The following SLC25A21 variants were observed in gnomAD, a reference collection of about 807,000 sequenced individuals.
SLC25A21 encodes mitochondrial 2-oxodicarboxylate carrier.
Under a neutral mutation model 43.8 loss-of-function variants are expected in SLC25A21, and 47 were observed. That is an observed-to-expected ratio of 1.07 (90% CI 0.85 to 1.37). SLC25A21 has a LOEUF of 1.37. Ranked by LOEUF, SLC25A21 falls within the 40% of genes most tolerant of loss-of-function variation. The pLI is 0.00. For missense variants in SLC25A21, 352 were observed against 350.2 expected (o/e 1.00, Z -0.04); for synonymous variants, 131 against 121.3 (o/e 1.08, Z -0.52).
intron 3 of SLC25A21, among the ~76,000 whole-genome samples, chr14:36,808,557 T>C (rs1050144120): frequency 2.0e-5 from 3 of 152,188 alleles, no homozygotes; most frequent in African/African-American, 7.2e-5. Context: ...ATTATTTCCA[T>C]ATTATCTTCT....
chr14:36,980,895 G>A (rs937933438), intron 1 of SLC25A21, among the ~76,000 whole-genome samples: 1 of 152,180 alleles, frequency 6.6e-6, no homozygotes, highest in African/African-American at 2.4e-5. Flanking sequence ...CCATCAGAGT[G>A]AACAGGCAAC....
chr14:36,940,331 T>A (rs1594707252), intron 1 of SLC25A21, among the ~76,000 whole-genome samples: 1 of 152,174 alleles, frequency 6.6e-6, no homozygotes, highest in South Asian at 2.1e-4. Flanking sequence ...TTAATAAAAT[T>A]TTCTCTAAGA....
Position 37,172,455 on chromosome 14 carries a change from CGCGTTG to C in SLC25A21, c.-111_-106del. Reference sequence around the variant, plus strand: ...AGCCCCGGCTGGGCTGGTCCTCAAGCGCGTTGGCTCCCTGTGGAGCAGCAATCCGGC... The same window carrying C: ...AGCCCCGGCTGGGCTGGTCCTCAAGCGCTCCCTGTGGAGCAGCAATCCGGC... On this transcript the variant is annotated 5_prime_UTR_variant, in exon 1 of 10. Coordinates refer to ENST00000331299, the MANE Select transcript of SLC25A21 (RefSeq NM_030631.4). 5 of 1,175,774 alleles carry C rather than the reference CGCGTTG, an allele frequency of 4.3e-6. No individual in the cohort carries two copies. The South Asian group carries it at 6.5e-5, about 15-fold the overall frequency. The allele number at this position is 1,175,774 out of a possible 1,614,324, so 72.8% of individuals were successfully genotyped here.
At chr14:36,825,243 G>C (rs848072) in intron 2 of SLC25A21, among the ~76,000 whole-genome samples, 143,930 of 151,618 alleles carry the variant, frequency 0.95, 68,540 homozygotes, top group East Asian at 1. Context: ...TGTAGCTTCT[G>C]TTTCTCTCTC....
At chr14:36,736,493 G>T (rs1036547438) in intron 3 of SLC25A21, among the ~76,000 whole-genome samples, 1 of 152,188 alleles carries the variant, frequency 6.6e-6, no homozygotes, top group Admixed American at 6.5e-5. Context: ...ACCAAGCATA[G>T]GTTGGTCTTC....
chr14:36,682,614 C>T (rs779681173), intron 9 of SLC25A21, among the ~76,000 whole-genome samples: 8 of 152,138 alleles, frequency 5.3e-5, no homozygotes, highest in Non-Finnish European at 1.2e-4. Context: ...GCTGTGATTT[C>T]CTCTCATATT....
intron 2 of SLC25A21, among the ~76,000 whole-genome samples, chr14:36,829,747 G>A (rs1888967333): frequency 1.3e-5 from 2 of 152,102 alleles, no homozygotes; most frequent in Non-Finnish European, 2.9e-5. Flanking sequence ...AGGACATCAC[G>A]CAAACGTGCT....
intron 1 of SLC25A21, among the ~76,000 whole-genome samples, chr14:37,166,109 C>T (rs867998295): frequency 3.1e-4 from 47 of 152,322 alleles, no homozygotes; most frequent in Non-Finnish European, 5.9e-4. Flanking sequence ...CAAGTGAACA[C>T]GTCTGTTCTA....
intron 1 of SLC25A21, among the ~76,000 whole-genome samples, chr14:37,008,000 G>A (rs1960645878): frequency 6.6e-6 from 1 of 151,318 alleles, no homozygotes; most frequent in African/African-American, 2.4e-5. Context: ...TGAGCCTCCC[G>A]AGTAGCTGAA....
chr14:36,877,947 T>G (rs754624961), intron 1 of SLC25A21, among the ~76,000 whole-genome samples: 2 of 152,098 alleles, frequency 1.3e-5, no homozygotes, highest in Non-Finnish European at 2.9e-5. Context: ...ACCAATGTAC[T>G]CCATGTTTAT....
chr14:36,925,675 C>T (rs897401165), intron 1 of SLC25A21, among the ~76,000 whole-genome samples: 7 of 151,972 alleles, frequency 4.6e-5, no homozygotes, highest in Admixed American at 1.3e-4. Context: ...GGAGAAACCT[C>T]GTACCTACTA....
At chr14:37,029,518 A>G (rs1431963161) in intron 1 of SLC25A21, among the ~76,000 whole-genome samples, 2 of 152,182 alleles carry the variant, frequency 1.3e-5, no homozygotes, top group African/African-American at 2.4e-5. Context: ...GAGTCAAAAT[A>G]TAAGGTCAAA....
At chr14:37,157,991 G>C (rs1239247589) in intron 1 of SLC25A21, among the ~76,000 whole-genome samples, 1 of 152,102 alleles carries the variant, frequency 6.6e-6, no homozygotes, top group Non-Finnish European at 1.5e-5. Flanking sequence ...AGAGGAAATT[G>C]ATAAATTCCT....
intron 1 of SLC25A21, among the ~76,000 whole-genome samples, chr14:37,153,731 A>G (rs1963798901): frequency 6.6e-6 from 1 of 152,264 alleles, no homozygotes; most frequent in South Asian, 2.1e-4. Flanking sequence ...CATCCTGGCC[A>G]CCACAGCTGG....
In SLC25A21 at chr14:36,857,917, C is replaced by T. The variant is rs538432261; in HGVS notation, c.119+17039G>A. Among the ~76,000 whole-genome samples the T allele has an allele frequency of 3.9e-5, 6 of 152,154 alleles. No individual in the cohort carries two copies. The South Asian group carries it at 1.0e-3, about 26-fold the overall frequency. ...CTAAAACTTTGTTTTTATTGGCTTT[C>T]GGGGGGAATATTTTTTTCACAATTA... On this transcript the variant is annotated intron_variant, in intron 2 of 9. Transcript: ENST00000331299.
At chr14:36,683,752 G>A in intron 9 of SLC25A21, 76 bp downstream of exon 9, 3 of 1,051,504 alleles carry the variant, frequency 2.9e-6, no homozygotes, top group South Asian at 1.6e-5. Flanking sequence ...TTTTGTTGCT[G>A]ATGGACACAA....
Position 36,874,969 on chromosome 14 carries a change from C to T in SLC25A21, c.106G>A (p.Val36Met), listed in dbSNP as rs1365677445. The change falls in exon 2 of 10, where the codon GTG becomes ATG. Residue 36 changes from valine to methionine, a missense_variant. Val to Met is a conservative substitution (Grantham distance 21). Coordinates refer to ENST00000331299, the MANE Select transcript of SLC25A21 (RefSeq NM_030631.4). ...VEICLMHPLDVVKTRFQIQRC... is the reference protein window; with the variant it reads ...VEICLMHPLDMVKTRFQIQRC... ...GCAGAACCTTACCTGGTTTTCACCA[C>T]ATCTAGGGGGTGCATCAGGCAAATT... The T allele has an allele frequency of 2.5e-6, 4 of 1,611,138 alleles. No individual in the cohort carries two copies. In the African/African-American group the frequency reaches 4.0e-5, roughly 16 times the overall value.
chr14:36,789,726 T>C (rs1033021954), intron 3 of SLC25A21, among the ~76,000 whole-genome samples: 29 of 130,722 alleles, frequency 2.2e-4, no homozygotes, highest in East Asian at 1.3e-3. Context: ...ATATATAATA[T>C]ATTTTATATA....
At chr14:36,966,928 T>C (rs1173235926) in intron 1 of SLC25A21, among the ~76,000 whole-genome samples, 1 of 152,166 alleles carries the variant, frequency 6.6e-6, no homozygotes, top group Non-Finnish European at 1.5e-5. Context: ...GAAACTTCCA[T>C]GTGAACTTTT....
Sources: allele counts gnomAD v4.1 joint callset (sites outside exome capture counted in the v4.1 genomes callset), GRCh38; gene constraint gnomAD v4.1.1; transcripts MANE v1.5; gene names NCBI Gene and HGNC (gene_info 2026-07-23, HGNC 2026-07-21).